RAB27A: variants seen among roughly 807,000 people sequenced by gnomAD.
RAB27A encodes ras-related protein Rab-27A.
Under a neutral mutation model 20.8 loss-of-function variants are expected in RAB27A, and 17 were observed. That is an observed-to-expected ratio of 0.82 (90% CI 0.56 to 1.23). The LOEUF (loss-of-function observed/expected upper bound fraction) is 1.23. Ranked by LOEUF, RAB27A falls within the 50% of genes most tolerant of loss-of-function variation. RAB27A has a pLI of 0.00. For missense variants in RAB27A, 277 were observed against 266.7 expected (o/e 1.04, Z -0.27); for synonymous variants, 85 against 92.8 (o/e 0.92, Z 0.48).
intron 6 of RAB27A, among the ~76,000 whole-genome samples, chr15:55,216,262 C>T (rs28435858): frequency 0.045 from 6,820 of 151,936 alleles, 520 homozygotes; most frequent in African/African-American, 0.16. Context: ...AGCCAGGCAC[C>T]GTGGCTCACA....
chr15:55,296,444 C>G (rs769760287), intron 2 of RAB27A, among the ~76,000 whole-genome samples: 1 of 151,958 alleles, frequency 6.6e-6, no homozygotes, highest in Non-Finnish European at 1.5e-5. Flanking sequence ...TCCAGTGAGC[C>G]TAGATGCCTA....
At chr15:55,296,089 T>C (rs940071196) in intron 2 of RAB27A, among the ~76,000 whole-genome samples, 3 of 149,812 alleles carry the variant, frequency 2.0e-5, no homozygotes, top group African/African-American at 7.4e-5. Context: ...AGAGACGGGG[T>C]TCCACCATGT....
At chr15:55,239,516 G>A (rs934802611) in intron 2 of RAB27A, among the ~76,000 whole-genome samples, 2 of 152,116 alleles carry the variant, frequency 1.3e-5, no homozygotes, top group Non-Finnish European at 2.9e-5. Flanking sequence ...ATGTGTTCGA[G>A]TACAGTAAAG....
chr15:55,226,081 T>A lies in RAB27A; in HGVS notation c.344-2069A>T, dbSNP rs1323258878. On this transcript the variant is annotated intron_variant, in intron 5 of 6. Transcript: ENST00000336787. ...AATATGTAAAATATATACTGTTGGG[T>A]TTTTGCACCACTTATGGGACTCTAC... is the stretch of plus-strand genomic sequence containing the variant. Among the ~76,000 whole-genome samples the A allele has an allele frequency of 3.3e-5, 5 of 151,896 alleles. No homozygotes were observed. In the East Asian group the frequency reaches 9.6e-4, roughly 29 times the overall value.
At chr15:55,311,191 A>G (rs139180793) in intron 2 of RAB27A, among the ~76,000 whole-genome samples, 12,124 of 152,212 alleles carry the variant, frequency 0.08, 568 homozygotes, top group East Asian at 0.15. Context: ...TCTCATTTGG[A>G]GCTAGTGTCT....
intron 1 of RAB27A, among the ~76,000 whole-genome samples, chr15:55,272,432 G>C (rs1897738488): frequency 6.6e-6 from 1 of 152,094 alleles, no homozygotes; most frequent in Non-Finnish European, 1.5e-5. Context: ...AAATCCTGTA[G>C]GGGGCTCAGG....
At chr15:55,292,902 G>A (rs1049239158), upstream of RAB27A, among the ~76,000 whole-genome samples, 3 of 152,160 alleles carry the variant, frequency 2.0e-5, no homozygotes, top group Non-Finnish European at 4.4e-5. Context: ...CAGCATTTAA[G>A]GCATGAGCAA....
chr15:55,222,670 C>T (rs1297781458), intron 6 of RAB27A, among the ~76,000 whole-genome samples: 1 of 152,048 alleles, frequency 6.6e-6, no homozygotes, highest in Non-Finnish European at 1.5e-5. Flanking sequence ...CTCCATCAAC[C>T]AAAGAAAGAA....
At chr15:55,309,637 T>C (rs1307751920) in intron 2 of RAB27A, among the ~76,000 whole-genome samples, 2 of 152,134 alleles carry the variant, frequency 1.3e-5, no homozygotes, top group East Asian at 3.9e-4. Flanking sequence ...AGTCAGGATG[T>C]ACAGGGATAC....
At chr15:55,285,372 C>T in intron 1 of RAB27A, among the ~76,000 whole-genome samples, 1 of 149,702 alleles carries the variant, frequency 6.7e-6, no homozygotes, top group Non-Finnish European at 1.5e-5. Flanking sequence ...GTAAGAGAGG[C>T]ATCTAATTTT....
chr15:55,241,604 A>ATATATATATGTG (rs1896486894), intron 2 of RAB27A, among the ~76,000 whole-genome samples: 1 of 128,884 alleles, frequency 7.8e-6, no homozygotes, highest in African/African-American at 3.9e-5. Flanking sequence ...ACCTATTTAT[A>ATATATATATGTG]TATATATATA....
intron 5 of RAB27A, among the ~76,000 whole-genome samples, chr15:55,225,076 T>C (rs1219339436): frequency 1.3e-5 from 2 of 152,226 alleles, no homozygotes; most frequent in African/African-American, 4.8e-5. Flanking sequence ...ATGCCCTTTC[T>C]TTCCTCCAGG....
chr15:55,284,548 G>A (rs1426084292), intron 1 of RAB27A, among the ~76,000 whole-genome samples: 2 of 152,214 alleles, frequency 1.3e-5, no homozygotes, highest in African/African-American at 4.8e-5. Flanking sequence ...GCTTTCAACA[G>A]TTATGCGGCT....
intron 3 of RAB27A, 49 bp downstream of exon 3, chr15:55,234,733 A>T (rs1896181505): frequency 6.4e-7 from 1 of 1,556,054 alleles, no homozygotes; most frequent in Admixed American, 1.7e-5. Flanking sequence ...CAGACCAGCA[A>T]ATGTTGACTT....
intron 2 of RAB27A, among the ~76,000 whole-genome samples, chr15:55,235,969 CA>C (rs1300942925): frequency 2.6e-5 from 4 of 152,158 alleles, no homozygotes; most frequent in African/African-American, 9.6e-5. Context: ...TATGAGGAAG[CA>C]AAGGCATAAG....
chr15:55,257,044 A>T (rs1897105102), intron 2 of RAB27A, among the ~76,000 whole-genome samples: 1 of 152,234 alleles, frequency 6.6e-6, no homozygotes, highest in Admixed American at 6.5e-5. Flanking sequence ...GTTCCACATC[A>T]GGTGGAAAAG....
chr15:55,261,258 G>A (rs8029136), intron 2 of RAB27A, among the ~76,000 whole-genome samples: 13,937 of 151,084 alleles, frequency 0.092, 2,193 homozygotes, highest in African/African-American at 0.33. Flanking sequence ...TTAGCCAGGC[G>A]CGGTGGCAGG....
chr15:55,207,340 T>G (rs1297927664), intron 6 of RAB27A, among the ~76,000 whole-genome samples: 1 of 152,120 alleles, frequency 6.6e-6, no homozygotes, highest in Non-Finnish European at 1.5e-5. Flanking sequence ...AGGAAGTGAG[T>G]TACAGGGATA....
At chr15:55,205,756 G>A in intron 6 of RAB27A, 51 bp from the exon 7 acceptor site, 1 of 1,461,572 alleles carries the variant, frequency 6.8e-7, no homozygotes, top group Admixed American at 1.7e-5. Flanking sequence ...AAAGGAGAGT[G>A]ACCTTTGCTC....
Sources: allele counts gnomAD v4.1 joint callset (sites outside exome capture counted in the v4.1 genomes callset), GRCh38; gene constraint gnomAD v4.1.1; transcripts MANE v1.5; gene names NCBI Gene and HGNC (gene_info 2026-07-23, HGNC 2026-07-21).